The following TLN2 variants were observed in gnomAD, a reference collection of about 807,000 sequenced individuals.
TLN2 encodes talin 2.
A neutral mutation model predicts 294.7 loss-of-function variants in TLN2; 118 were observed. That is an observed-to-expected ratio of 0.40 (90% CI 0.34 to 0.47). The LOEUF is 0.47. Among genes scored for constraint, TLN2 ranks in the 20% least tolerant of loss-of-function variants. The probability of loss-of-function intolerance (pLI) is 0.84; values close to 1 mark genes in which losing one functional copy is unlikely to be tolerated. For missense variants in TLN2, 3,083 were observed against 3,282.2 expected (o/e 0.94, Z 1.48); for synonymous variants, 1,431 against 1,304.5 (o/e 1.10, Z -2.09).
intron 57 of TLN2, among the ~76,000 whole-genome samples, chr15:62,836,543 C>T (rs550158748): frequency 6.6e-6 from 1 of 152,324 alleles, no homozygotes; most frequent in South Asian, 2.1e-4. Flanking sequence ...AACTCGGTGC[C>T]TGCTTCAGAG....
intron 43 of TLN2, among the ~76,000 whole-genome samples, chr15:62,777,633 C>G (rs781269938): frequency 9.9e-5 from 15 of 152,138 alleles, no homozygotes; most frequent in Non-Finnish European, 1.8e-4. Flanking sequence ...CACCCCCAAC[C>G]CACTCAATTG....
At chr15:62,422,058 C>T (rs1243894413) in intron 1 of TLN2, among the ~76,000 whole-genome samples, 2 of 151,562 alleles carry the variant, frequency 1.3e-5, no homozygotes, top group Non-Finnish European at 1.5e-5. Context: ...GTCTGGAGTT[C>T]GAGACCAGCC....
intron 45 of TLN2, among the ~76,000 whole-genome samples, chr15:62,787,197 T>A (rs149938875): frequency 6.6e-6 from 1 of 152,316 alleles, no homozygotes; most frequent in East Asian, 1.9e-4. Context: ...GCCCAGCCAC[T>A]TTTTTCTTCC....
chr15:62,609,499 C>T lies in TLN2; in HGVS notation c.-161-8852C>T, dbSNP rs144498991. 5.4e-3 allele frequency among the ~76,000 whole-genome samples: 827 copies of T among 152,330 alleles called. 10 individuals are homozygous for T. The highest frequency in any genetic ancestry group is 4.4e-3 in the Non-Finnish European group (299 of 68,030). On this transcript the variant is annotated intron_variant, in intron 2 of 58. Transcript: ENST00000636159. Reference sequence around the variant, plus strand: ...CTTCAGGCTGGAACAGTTCACAAGCCTTTCCTTGACCTTCATAACCTTGAC... The same window carrying T: ...CTTCAGGCTGGAACAGTTCACAAGCTTTTCCTTGACCTTCATAACCTTGAC...
intron 1 of TLN2, among the ~76,000 whole-genome samples, chr15:62,403,373 A>G (rs1215681178): frequency 6.6e-6 from 1 of 151,992 alleles, no homozygotes; most frequent in Non-Finnish European, 1.5e-5. Flanking sequence ...CTGCTCTCTC[A>G]TTGTTTCTTG....
chr15:62,720,854 T>C (rs978897564), intron 25 of TLN2, among the ~76,000 whole-genome samples: 1 of 152,236 alleles, frequency 6.6e-6, no homozygotes, highest in Non-Finnish European at 1.5e-5. Context: ...ATGAATAACG[T>C]GATAAAAATC....
At chr15:62,446,049 C>T (rs867797686) in intron 1 of TLN2, among the ~76,000 whole-genome samples, 5 of 151,522 alleles carry the variant, frequency 3.3e-5, no homozygotes, top group Admixed American at 6.6e-5. Flanking sequence ...CACTGTCGCC[C>T]GGGCTGGAGT....
intron 37 of TLN2, among the ~76,000 whole-genome samples, chr15:62,757,540 G>A (rs2062366160): frequency 6.6e-6 from 1 of 152,194 alleles, no homozygotes. Context: ...TTTCTTGTCT[G>A]CCTCCTCTTC....
intron 44 of TLN2, 48 bp downstream of exon 44, chr15:62,781,289 C>A: frequency 6.9e-7 from 1 of 1,442,774 alleles, no homozygotes; most frequent in African/African-American, 1.4e-5. Flanking sequence ...GCCTTTTTAT[C>A]CACTGCCGCC....
intron 51 of TLN2, 130 bp from the exon 52 acceptor site, chr15:62,809,795 C>A: frequency 1.3e-6 from 1 of 760,720 alleles, no homozygotes; most frequent in Non-Finnish European, 2.3e-6. Context: ...AGGAGAGATA[C>A]CTCTTCTGTC....
rs201309096 is a variant in TLN2 at position 62,624,570 on chromosome 15, G to A, written c.-37+6095G>A. On this transcript the variant is annotated intron_variant, in intron 3 of 58. Coordinates refer to ENST00000636159, the MANE Select transcript of TLN2 (RefSeq NM_015059.3). ...TTCTCTTTTAGGTGCAGATAGGAAA[G>A]AAAATATCACAGAAGAGCAGAGAAG... Among the ~76,000 whole-genome samples the A allele has an allele frequency of 2.4e-4, 37 of 152,340 alleles. 1 individual carries two copies. The East Asian group carries it at 6.6e-3, about 27-fold the overall frequency.
intron 55 of TLN2, 118 bp from the exon 56 acceptor site, chr15:62,835,619 T>C: frequency 9.2e-7 from 1 of 1,085,740 alleles, no homozygotes; most frequent in South Asian, 1.3e-5. Flanking sequence ...GCCTGTGCTG[T>C]TGGCAGGAGG....
chr15:62,767,574 G>A (rs954426775), intron 41 of TLN2, among the ~76,000 whole-genome samples: 9 of 152,134 alleles, frequency 5.9e-5, no homozygotes, highest in African/African-American at 1.9e-4. Context: ...CCCAACCTCA[G>A]GTGACCCACC....
chr15:62,736,593 T>A (rs920432842), intron 28 of TLN2, among the ~76,000 whole-genome samples: 22 of 152,164 alleles, frequency 1.4e-4, no homozygotes, highest in Non-Finnish European at 3.2e-4. Flanking sequence ...ATGCACTTGG[T>A]GTTCTAGGTC....
At chr15:62,393,363 T>C (rs990828293) in intron 1 of TLN2, among the ~76,000 whole-genome samples, 4 of 152,232 alleles carry the variant, frequency 2.6e-5, no homozygotes, top group Non-Finnish European at 5.9e-5. Context: ...AGGCTATATA[T>C]GTGTTTTGAA....
chr15:62,421,478 G>C (rs1399206233), intron 1 of TLN2, among the ~76,000 whole-genome samples: 1 of 152,110 alleles, frequency 6.6e-6, no homozygotes, highest in East Asian at 1.9e-4. Context: ...TGTTGTTCGT[G>C]GAATACTATA....
At chr15:62,699,502 C>T (rs1231680338) in intron 16 of TLN2, among the ~76,000 whole-genome samples, 3 of 152,108 alleles carry the variant, frequency 2.0e-5, no homozygotes, top group African/African-American at 4.8e-5. Context: ...GGCTTACTAC[C>T]ACTGAGCTTT....
chr15:62,704,362 C>T (rs868383041), intron 19 of TLN2, among the ~76,000 whole-genome samples: 11 of 152,268 alleles, frequency 7.2e-5, no homozygotes, highest in South Asian at 2.1e-4. Flanking sequence ...ATTTTATAGA[C>T]GGAACAAAAA....
chr15:62,416,018 G>A (rs2034060908), intron 1 of TLN2, among the ~76,000 whole-genome samples: 1 of 152,204 alleles, frequency 6.6e-6, no homozygotes, highest in African/African-American at 2.4e-5. Flanking sequence ...AACAAAGTTG[G>A]TTGGGCACAG....
Sources: gnomAD v4.1 joint callset for allele counts (sites outside exome capture counted in the v4.1 genomes callset) on GRCh38, gnomAD v4.1.1 for gene constraint, MANE v1.5 for transcripts, NCBI Gene and HGNC (gene_info 2026-07-23, HGNC 2026-07-21) for gene names.